SGCZ: variants seen among roughly 807,000 people sequenced by gnomAD.
SGCZ encodes zeta-sarcoglycan.
SGCZ carries 40 observed loss-of-function variants against 41.3 expected under a neutral mutation model. That is an observed-to-expected ratio of 0.97 (90% CI 0.75 to 1.26). SGCZ has a LOEUF of 1.26. Ranked by LOEUF, SGCZ falls within the 50% of genes most tolerant of loss-of-function variation. The pLI is 0.00. For missense variants in SGCZ, 552 were observed against 369.8 expected (o/e 1.49, Z -4.04); for synonymous variants, 206 against 137.5 (o/e 1.50, Z -3.49).
intron 3 of SGCZ, among the ~76,000 whole-genome samples, chr8:14,284,733 T>G (rs372849797): frequency 2.4e-4 from 36 of 152,160 alleles, no homozygotes; most frequent in East Asian, 1.9e-3. Context: ...TTTTCCTTAA[T>G]TTGGAATTTT....
intron 1 of SGCZ, among the ~76,000 whole-genome samples, chr8:14,698,795 T>A (rs575190766): frequency 1.3e-5 from 2 of 151,976 alleles, no homozygotes; most frequent in South Asian, 4.1e-4. Flanking sequence ...TTGAAGAAAA[T>A]GAGACACAAT....
intron 2 of SGCZ, among the ~76,000 whole-genome samples, chr8:14,376,281 A>C (rs1451831075): frequency 6.6e-6 from 1 of 152,218 alleles, no homozygotes; most frequent in African/African-American, 2.4e-5. Context: ...ACTGCACTCT[A>C]GCCTGGGCAA....
intron 1 of SGCZ, among the ~76,000 whole-genome samples, chr8:14,919,890 C>A (rs1160372548): frequency 6.6e-6 from 1 of 152,088 alleles, no homozygotes; most frequent in Non-Finnish European, 1.5e-5. Context: ...TGCACTCCAG[C>A]CTGGGTAACA....
intron 2 of SGCZ, among the ~76,000 whole-genome samples, chr8:14,547,558 T>C (rs1008104823): frequency 1.3e-5 from 2 of 152,208 alleles, no homozygotes; most frequent in African/African-American, 2.4e-5. Context: ...TAATAATGCA[T>C]GGAAATAATG....
At chr8:14,773,209 G>C (rs955010703) in intron 1 of SGCZ, among the ~76,000 whole-genome samples, 1 of 152,034 alleles carries the variant, frequency 6.6e-6, no homozygotes, top group African/African-American at 2.4e-5. Context: ...TGTGTCTTTT[G>C]GCTGCATAAA....
At chr8:14,717,800 C>G (rs1399791855) in intron 1 of SGCZ, among the ~76,000 whole-genome samples, 2 of 152,026 alleles carry the variant, frequency 1.3e-5, no homozygotes, top group Non-Finnish European at 2.9e-5. Context: ...GGATAACTTA[C>G]ATTATTTGGT....
chr8:14,218,840 C>T (rs1021712876), intron 4 of SGCZ, among the ~76,000 whole-genome samples: 1 of 152,116 alleles, frequency 6.6e-6, no homozygotes, highest in Non-Finnish European at 1.5e-5. Context: ...AGAAGTTTTG[C>T]CAAAGCAATG....
chr8:14,109,484 G>C (rs111237144), intron 5 of SGCZ, among the ~76,000 whole-genome samples: 1 of 152,108 alleles, frequency 6.6e-6, no homozygotes, highest in African/African-American at 2.4e-5. Context: ...CTTCTTCAAA[G>C]TTCTTGCTTT....
At chr8:14,214,302 T>C (rs1001359539) in intron 4 of SGCZ, among the ~76,000 whole-genome samples, 15 of 152,100 alleles carry the variant, frequency 9.9e-5, no homozygotes, top group African/African-American at 3.4e-4. Flanking sequence ...TCTGTGCAAC[T>C]ATCATAACCA....
At chr8:14,314,152 C>G (rs1667341095) in intron 3 of SGCZ, among the ~76,000 whole-genome samples, 2 of 152,114 alleles carry the variant, frequency 1.3e-5, no homozygotes, top group African/African-American at 4.8e-5. Context: ...TAAAGCTGCC[C>G]TAACATGCTT....
chr8:14,886,988 C>T (rs116340465), intron 1 of SGCZ, among the ~76,000 whole-genome samples: 29 of 152,068 alleles, frequency 1.9e-4, no homozygotes, highest in Middle Eastern at 3.4e-3. Flanking sequence ...AAGAGGTCAA[C>T]GATGACGTCA....
intron 2 of SGCZ, among the ~76,000 whole-genome samples, chr8:14,441,161 C>T (rs1181480347): frequency 6.6e-6 from 1 of 152,170 alleles, no homozygotes; most frequent in Admixed American, 6.5e-5. Context: ...AATTTACAAT[C>T]AGTTTTTATT....
intron 1 of SGCZ, among the ~76,000 whole-genome samples, chr8:14,854,856 A>G (rs1266429308): frequency 4.6e-5 from 7 of 151,736 alleles, no homozygotes; most frequent in Non-Finnish European, 1.0e-4. Flanking sequence ...AATCTCTGCT[A>G]CCCTAGACAT....
chr8:14,775,001 G>C (rs1800357301), intron 1 of SGCZ, among the ~76,000 whole-genome samples: 1 of 152,036 alleles, frequency 6.6e-6, no homozygotes, highest in Non-Finnish European at 1.5e-5. Context: ...GGAAAAAAAT[G>C]CTTGTATGGA....
intron 2 of SGCZ, among the ~76,000 whole-genome samples, chr8:14,451,644 C>G (rs1800596303): frequency 6.6e-6 from 1 of 152,134 alleles, no homozygotes; most frequent in Non-Finnish European, 1.5e-5. Flanking sequence ...AAACTCTATG[C>G]TAAGTAAATG....
At chr8:14,326,473 A>G (rs1038668987) in intron 2 of SGCZ, among the ~76,000 whole-genome samples, 47 of 152,180 alleles carry the variant, frequency 3.1e-4, no homozygotes, top group African/African-American at 1.1e-3. Flanking sequence ...GCCAGACTAA[A>G]GGATAATGAC....
chr8:14,408,611 C>A (rs772090584), intron 2 of SGCZ, among the ~76,000 whole-genome samples: 1 of 152,042 alleles, frequency 6.6e-6, no homozygotes, highest in Non-Finnish European at 1.5e-5. Flanking sequence ...TATATCACAC[C>A]CCTGTATAAT....
chr8:14,821,225 C>G (rs1802070774), intron 1 of SGCZ, among the ~76,000 whole-genome samples: 1 of 151,894 alleles, frequency 6.6e-6, no homozygotes, highest in Admixed American at 6.6e-5. Flanking sequence ...ACAGAAGAAT[C>G]AGTTACATTC....
intron 1 of SGCZ, among the ~76,000 whole-genome samples, chr8:14,586,164 T>C (rs1563133836): frequency 6.6e-6 from 1 of 152,158 alleles, no homozygotes; most frequent in East Asian, 1.9e-4. Context: ...AATCATTAAA[T>C]TAATTGAAAA....
Sources: gnomAD v4.1 joint callset for allele counts (sites outside exome capture counted in the v4.1 genomes callset) on GRCh38, gnomAD v4.1.1 for gene constraint, MANE v1.5 for transcripts, NCBI Gene and HGNC (gene_info 2026-07-23, HGNC 2026-07-21) for gene names.